DHX35: variants seen among roughly 807,000 people sequenced by gnomAD.
DHX35 encodes the protein probable ATP-dependent RNA helicase DHX35.
In DHX35, 84 loss-of-function variants were observed where a neutral mutation model predicts 99.6. The ratio of observed to expected loss-of-function variants is 0.84; its 90% CI spans 0.71 to 1.01. The LOEUF is 1.01. Among genes scored for constraint, DHX35 ranks in the 50% least tolerant of loss-of-function variants. The pLI is 0.00. For missense variants in DHX35, 852 were observed against 888.5 expected (o/e 0.96, Z 0.52); for synonymous variants, 331 against 316.2 (o/e 1.05, Z -0.50).
intron 14 of DHX35, among the ~76,000 whole-genome samples, chr20:39,017,763 A>G (rs999236594): frequency 6.6e-6 from 1 of 152,212 alleles, no homozygotes; most frequent in Non-Finnish European, 1.5e-5. Flanking sequence ...GAGTCAGCCC[A>G]GTTCAGCAAA....
At chr20:38,992,111 A>C (rs2086348164) in intron 6 of DHX35, among the ~76,000 whole-genome samples, 1 of 152,180 alleles carries the variant, frequency 6.6e-6, no homozygotes, top group South Asian at 2.1e-4. Flanking sequence ...ATTCTGTTGG[A>C]ATTCAGTGTG....
chr20:38,987,986 G>A (rs2086275748), intron 4 of DHX35, among the ~76,000 whole-genome samples: 1 of 152,102 alleles, frequency 6.6e-6, no homozygotes, highest in Admixed American at 6.6e-5. Flanking sequence ...TTTGAATATG[G>A]TAATTCCTGT....
At chr20:38,986,970 C>T (rs1027999024) in intron 4 of DHX35, among the ~76,000 whole-genome samples, 17 of 152,212 alleles carry the variant, frequency 1.1e-4, no homozygotes, top group South Asian at 4.1e-4. Flanking sequence ...CAGGGAGCCT[C>T]TGCCCTCCTG....
At chr20:39,007,287 C>T (rs1254209365) in intron 12 of DHX35, among the ~76,000 whole-genome samples, 3 of 152,216 alleles carry the variant, frequency 2.0e-5, no homozygotes, top group Non-Finnish European at 4.4e-5. Flanking sequence ...GGCCACGGTG[C>T]TAGAGCTTGG....
chr20:39,039,617 A>G lies in DHX35; in HGVS notation c.*1074A>G, dbSNP rs1270222664. On this transcript the variant is annotated 3_prime_UTR_variant, in exon 22 of 22. Transcript: ENST00000252011. ...TTTGGATGTGCCACTTTTGGCACCA[A>G]ACGTGTATGTCATTTTTATTTCCAT... The G allele has an allele frequency of 2.0e-5, 3 of 152,260 alleles. No homozygotes were observed. Among genetic ancestry groups the G allele is most frequent in the African/African-American group, 4.8e-5 (2 of 41,458 alleles). The allele number at this position is 152,260 out of a possible 1,614,324, so 9.4% of individuals were successfully genotyped here. A position where few individuals can be genotyped will look rare whatever the true frequency, so the allele number is the denominator to read the frequency against.
intron 3 of DHX35, among the ~76,000 whole-genome samples, chr20:38,981,943 CAAAAAAAAAAAA>C (rs1161300647): frequency 3.4e-5 from 3 of 87,264 alleles, no homozygotes; most frequent in East Asian, 3.1e-4. Context: ...GACTCTGTCT[CAAAAAAAAAAAA>C]AAAAAAAAGA....
intron 3 of DHX35, among the ~76,000 whole-genome samples, chr20:38,979,844 T>C (rs2086144144): frequency 6.8e-6 from 1 of 146,474 alleles, no homozygotes; most frequent in Non-Finnish European, 1.5e-5. Flanking sequence ...TTTTTTTTAC[T>C]AGAGTTCTGT....
chr20:38,964,347 G>A (rs2085879011), intron 1 of DHX35, among the ~76,000 whole-genome samples: 1 of 152,180 alleles, frequency 6.6e-6, no homozygotes. Flanking sequence ...GACAGGAGAT[G>A]AAGCTAGAAA....
rs1600454083 is a variant in DHX35, at chr20:39,030,900, C to A, written c.1955+125C>A. 2.9e-6 allele frequency: 3 copies of A among 1,027,322 alleles called. No individual in the cohort carries two copies. The South Asian group carries it at 4.5e-5, about 15-fold the overall frequency. The allele number at this position is 1,027,322 out of a possible 1,614,324, so 63.6% of individuals were successfully genotyped here. On this transcript the variant is annotated intron_variant, in intron 20 of 21. Coordinates refer to ENST00000252011, the MANE Select transcript of DHX35 (RefSeq NM_021931.4). ...GCTCTGGGCCGGGCGTGGTGGCTCA[C>A]GCCTGTAATCCCAGCACTTTGGGAG...
chr20:38,984,671 T>G (rs779884216), intron 4 of DHX35, among the ~76,000 whole-genome samples: 36 of 152,204 alleles, frequency 2.4e-4, no homozygotes, highest in Non-Finnish European at 4.3e-4. Flanking sequence ...CATGTATTCT[T>G]CTTTCCACCT....
At chr20:39,011,246 A>G (rs2086697951) in intron 13 of DHX35, among the ~76,000 whole-genome samples, 1 of 151,256 alleles carries the variant, frequency 6.6e-6, no homozygotes, top group African/African-American at 2.4e-5. Context: ...TTTTCTATTT[A>G]TATTTTACTG....
intron 12 of DHX35, among the ~76,000 whole-genome samples, chr20:39,008,819 G>A (rs554272469): frequency 6.6e-6 from 1 of 152,324 alleles, no homozygotes; most frequent in South Asian, 2.1e-4. Context: ...TTGCCCAACA[G>A]ATCCTCCTTG....
intron 16 of DHX35, 91 bp downstream of exon 16, chr20:39,022,026 A>T (rs1395004436): frequency 4.7e-6 from 6 of 1,275,336 alleles, no homozygotes; most frequent in Non-Finnish European, 1.1e-6. Flanking sequence ...TGCTGAAGAC[A>T]GAGCTGTACA....
chr20:39,014,852 T>A, intron 13 of DHX35, 28 bp from the exon 14 acceptor site: 1 of 1,614,032 alleles, frequency 6.2e-7, no homozygotes, highest in Non-Finnish European at 8.5e-7. Flanking sequence ...AATAAATTGA[T>A]TCAGGAAGAT....
At chr20:38,989,887 CAG>C (rs1333654694) in intron 5 of DHX35, among the ~76,000 whole-genome samples, 3 of 152,122 alleles carry the variant, frequency 2.0e-5, no homozygotes, top group Non-Finnish European at 2.9e-5. Context: ...TGCAATAAAA[CAG>C]TGAATGAAAA....
chr20:39,029,321 T>A (rs2087008111), intron 19 of DHX35: 1 of 151,982 alleles, frequency 6.6e-6, no homozygotes, highest in South Asian at 2.1e-4. Context: ...AAAATATTAC[T>A]GCCCTGTTAT....
rs746380013 is a variant in DHX35, at chr20:38,994,811, T to C, written c.583-10T>C. 1.2e-6 allele frequency: 2 copies of C among 1,611,224 alleles called. No homozygotes were observed. Among genetic ancestry groups the C allele is most frequent in the East Asian group, 2.2e-5 (1 of 44,880 alleles). ...CTATTATCATTATTTCCAAATGTCT[T>C]CTTTTTTAGATTCAGAAAAAGCGAG... is the stretch of plus-strand genomic sequence containing the variant. On this transcript the variant is annotated splice_polypyrimidine_tract_variant and intron_variant, in intron 7 of 21. Transcript: ENST00000252011.
chr20:38,989,890 T>C lies in DHX35; in HGVS notation c.450+973T>C, dbSNP rs112723615. Among the ~76,000 whole-genome samples the C allele has an allele frequency of 4.0e-3, 605 of 152,256 alleles. 4 individuals carry two copies. Among genetic ancestry groups the C allele is most frequent in the African/African-American group, 0.014 (583 of 41,538 alleles). ...CTAATCAGACAGTGCAATAAAACAGTGAATGAAAATAATCTGATGAAATGA... is the reference window on the plus strand; with the variant it reads ...CTAATCAGACAGTGCAATAAAACAGCGAATGAAAATAATCTGATGAAATGA... On this transcript the variant is annotated intron_variant, in intron 5 of 21. Coordinates refer to ENST00000252011, the MANE Select transcript of DHX35 (RefSeq NM_021931.4).
At chr20:39,015,398 T>C (rs879931716) in intron 14 of DHX35, among the ~76,000 whole-genome samples, 1 of 152,242 alleles carries the variant, frequency 6.6e-6, no homozygotes, top group Non-Finnish European at 1.5e-5. Context: ...GGGGAACTTC[T>C]ATTCAGTTGT....
Sources: gnomAD v4.1 joint callset for allele counts (sites outside exome capture counted in the v4.1 genomes callset) on GRCh38, gnomAD v4.1.1 for gene constraint, MANE v1.5 for transcripts, NCBI Gene and HGNC (gene_info 2026-07-23, HGNC 2026-07-21) for gene names.